Variants in CTIF observed in about 807,000 individuals in gnomAD.
CTIF encodes the protein cap binding complex dependent translation initiation factor.
A neutral mutation model predicts 66.0 loss-of-function variants in CTIF; 21 were observed. The ratio of observed to expected loss-of-function variants is 0.32; its 90% CI spans 0.23 to 0.46. The LOEUF is 0.46. CTIF is among the 20% of genes least tolerant of loss of function. The pLI is 1.00. For missense variants in CTIF, 739 were observed against 812.7 expected (o/e 0.91, Z 1.10); for synonymous variants, 345 against 326.4 (o/e 1.06, Z -0.62).
At position 48,850,216 on chromosome 18, in the gene CTIF, G is replaced by T. The variant is rs193231262; in HGVS notation, c.1528-7372G>T. On this transcript the variant is annotated intron_variant, in intron 10 of 11. Transcript: ENST00000256413. ...CAATGGCCTTCCTTTTTAAGACTGG[G>T]TGATATTCCCCTTGTATGGATTTAC... is the stretch of plus-strand genomic sequence containing the variant. 3.5e-3 allele frequency among the ~76,000 whole-genome samples: 529 copies of T among 152,260 alleles called. 3 individuals carry two copies. Among genetic ancestry groups the T allele is most frequent in the African/African-American group, 0.011 (469 of 41,538 alleles).
chr18:48,612,359 G>A (rs72925554), intron 1 of CTIF, among the ~76,000 whole-genome samples: 6,021 of 152,302 alleles, frequency 0.04, 146 homozygotes, highest in South Asian at 0.066. Flanking sequence ...GACTGGCCCT[G>A]CCCTGGGGGC....
intron 10 of CTIF, among the ~76,000 whole-genome samples, chr18:48,835,391 T>C (rs1568256448): frequency 6.6e-6 from 1 of 152,202 alleles, no homozygotes; most frequent in Non-Finnish European, 1.5e-5. Flanking sequence ...CCTGAGACAT[T>C]GCCATTGACG....
At chr18:48,646,371 A>G (rs1052410062) in intron 3 of CTIF, among the ~76,000 whole-genome samples, 3 of 152,120 alleles carry the variant, frequency 2.0e-5, no homozygotes, top group African/African-American at 7.2e-5. Flanking sequence ...CCCCAACAAG[A>G]CATCACTATA....
chr18:48,636,888 T>C (rs1176290382), intron 3 of CTIF, among the ~76,000 whole-genome samples: 2 of 152,168 alleles, frequency 1.3e-5, no homozygotes, highest in Admixed American at 6.5e-5. Context: ...AACTCATCGA[T>C]TGATGAGATT....
chr18:48,737,099 G>C (rs867264531), intron 7 of CTIF, among the ~76,000 whole-genome samples: 4 of 152,258 alleles, frequency 2.6e-5, no homozygotes, highest in Middle Eastern at 3.4e-3. Context: ...GCCCCTGCAT[G>C]ATGAGAGACT....
At chr18:48,726,010 C>T (rs919208178) in intron 7 of CTIF, among the ~76,000 whole-genome samples, 12 of 152,166 alleles carry the variant, frequency 7.9e-5, no homozygotes, top group Non-Finnish European at 1.8e-4. Context: ...AGCCTCAAGA[C>T]ATCCCTTCAC....
intron 6 of CTIF, among the ~76,000 whole-genome samples, chr18:48,676,878 T>G (rs962637066): frequency 1.3e-5 from 2 of 151,988 alleles, no homozygotes; most frequent in Non-Finnish European, 2.9e-5. Flanking sequence ...AAATCATGGC[T>G]CCATGAAATG....
chr18:48,675,525 T>A (rs1468868204), intron 6 of CTIF, among the ~76,000 whole-genome samples: 1 of 152,208 alleles, frequency 6.6e-6, no homozygotes, highest in Admixed American at 6.5e-5. Flanking sequence ...CCATGCCTCC[T>A]GGTCAGCGCT....
rs184196158 is a variant in CTIF, at chr18:48,606,690, G to A, written c.-28-12848G>A. Among the ~76,000 whole-genome samples the A allele has an allele frequency of 4.9e-3, 745 of 152,282 alleles. 6 individuals are homozygous for A. The highest frequency in any genetic ancestry group is 5.3e-3 in the Non-Finnish European group (360 of 68,016). ...TATGGGGGATGTTGGGCAAGGGCTG[G>A]CACATTGAGGGAGTGGAGCTCTGGG... On this transcript the variant is annotated intron_variant, in intron 1 of 11. Coordinates refer to ENST00000256413, the MANE Select transcript of CTIF (RefSeq NM_014772.3).
intron 1 of CTIF, among the ~76,000 whole-genome samples, chr18:48,581,646 G>T (rs372778513): frequency 2.6e-5 from 4 of 152,156 alleles, no homozygotes; most frequent in African/African-American, 9.7e-5. Flanking sequence ...TGCCCCAGGG[G>T]TCGGGCAGCC....
At chr18:48,767,383 G>A (rs747014993) in intron 9 of CTIF, among the ~76,000 whole-genome samples, 4 of 152,260 alleles carry the variant, frequency 2.6e-5, no homozygotes, top group South Asian at 2.1e-4. Flanking sequence ...GCCCCGGGAC[G>A]TCCACGTGGG....
At chr18:48,853,298 G>C (rs1295380884) in intron 10 of CTIF, among the ~76,000 whole-genome samples, 1 of 152,168 alleles carries the variant, frequency 6.6e-6, no homozygotes, top group Non-Finnish European at 1.5e-5. Flanking sequence ...GATGGTGGCT[G>C]CTCAGGGAAG....
chr18:48,548,986 A>ATT (rs149460912), intron 1 of CTIF, among the ~76,000 whole-genome samples: 5 of 148,936 alleles, frequency 3.4e-5, no homozygotes, highest in South Asian at 4.2e-4. Context: ...ATGACTGTGA[A>ATT]TTTTTTTTTT....
chr18:48,605,845 C>T (rs747320900), intron 1 of CTIF, among the ~76,000 whole-genome samples: 1 of 152,178 alleles, frequency 6.6e-6, no homozygotes, highest in Non-Finnish European at 1.5e-5. Flanking sequence ...ATGGGAAAAA[C>T]GAAAAGGTCC....
At chr18:48,543,105 C>T (rs1473051590) in intron 1 of CTIF, among the ~76,000 whole-genome samples, 1 of 152,184 alleles carries the variant, frequency 6.6e-6, no homozygotes, top group Non-Finnish European at 1.5e-5. Context: ...ACCGTCTGGT[C>T]CCAGATATTG....
chr18:48,645,574 G>A (rs568495672), intron 3 of CTIF, among the ~76,000 whole-genome samples: 58 of 152,264 alleles, frequency 3.8e-4, no homozygotes, highest in African/African-American at 1.3e-3. Context: ...TGTGACTTTC[G>A]TCCCCGCCAA....
chr18:48,829,847 A>C (rs2068654045), intron 10 of CTIF, among the ~76,000 whole-genome samples: 1 of 152,242 alleles, frequency 6.6e-6, no homozygotes, highest in Non-Finnish European at 1.5e-5. Flanking sequence ...CATTGATGAT[A>C]TCCACCTGCT....
intron 2 of CTIF, 102 bp downstream of exon 2, chr18:48,619,847 C>T: frequency 8.3e-7 from 1 of 1,206,396 alleles, no homozygotes; most frequent in Non-Finnish European, 1.1e-6. Flanking sequence ...ACTAGACCGC[C>T]AAGGCATGAA....
At chr18:48,814,910 G>A (rs1220924267) in intron 9 of CTIF, among the ~76,000 whole-genome samples, 2 of 151,918 alleles carry the variant, frequency 1.3e-5, no homozygotes, top group Non-Finnish European at 2.9e-5. Context: ...GGACAATTCA[G>A]TGAGAAAGGA....
Sources: gnomAD v4.1 joint callset for allele counts (sites outside exome capture counted in the v4.1 genomes callset) on GRCh38, gnomAD v4.1.1 for gene constraint, MANE v1.5 for transcripts, NCBI Gene and HGNC (gene_info 2026-07-23, HGNC 2026-07-21) for gene names.